Variants in PABPC4L observed in about 807,000 individuals in gnomAD.
The protein encoded by PABPC4L is poly(A) binding protein cytoplasmic 4 like, also known as polyadenylate-binding protein 4-like.
For synonymous variants in PABPC4L, 169 were observed against 164.1 expected, an observed-to-expected ratio of 1.03 and a Z score of -0.23; for missense variants, 452 against 451.4, an observed-to-expected ratio of 1.00 and a Z score of -0.01.
the PABPC4L span, among the ~76,000 whole-genome samples, chr4:134,120,555 T>G: frequency 1.3e-5 from 2 of 151,060 alleles, no homozygotes; most frequent in Non-Finnish European, 3.0e-5. Flanking sequence ...GAGAAAATTT[T>G]TTTAGTTTTT....
chr4:134,063,732 A>G, the PABPC4L span, among the ~76,000 whole-genome samples: 1 of 152,026 alleles, frequency 6.6e-6, no homozygotes, highest in Non-Finnish European at 1.5e-5. Context: ...ATGAATATGA[A>G]ATCTTGTCAT....
rs1729753879 is a variant in PABPC4L, at chr4:134,198,949, G to A, written c.*958C>T. 1 of 151,784 alleles carries A rather than the reference G, an allele frequency of 6.6e-6. No individual in the cohort carries two copies. The highest frequency in any genetic ancestry group is 2.1e-4 in the South Asian group (1 of 4,826). 9.4% of individuals were successfully genotyped at this position (151,784 alleles called of 1,614,324 possible). The stretch of plus-strand genomic sequence containing the variant: ...GGAGATGTGAGTACATAAAAATAGA[G>A]GAACTTACTTTTCTGAACCCTAAGA... On this transcript the variant is annotated 3_prime_UTR_variant, in exon 2 of 2. Coordinates refer to ENST00000421491, the MANE Select transcript of PABPC4L (RefSeq NM_001114734.2).
the PABPC4L span, among the ~76,000 whole-genome samples, chr4:133,969,795 C>G: frequency 7.9e-5 from 12 of 152,262 alleles, no homozygotes; most frequent in African/African-American, 2.9e-4. Context: ...CATACGCACA[C>G]TACCAAACAC....
the PABPC4L span, among the ~76,000 whole-genome samples, chr4:134,049,433 C>T: frequency 6.6e-6 from 1 of 152,042 alleles, no homozygotes; most frequent in East Asian, 1.9e-4. Flanking sequence ...AAATGTCTGG[C>T]TATAGGCCAA....
downstream of PABPC4L, among the ~76,000 whole-genome samples, chr4:134,194,109 A>G (rs1479524557): frequency 6.6e-6 from 1 of 151,896 alleles, no homozygotes; most frequent in African/African-American, 2.4e-5. Flanking sequence ...TTAATGAGCC[A>G]GCTACTAATA....
Position 134,199,602 on chromosome 4 carries a change from C to T in PABPC4L, c.*305G>A. 4.6e-6 allele frequency: 1 copy of T among 215,470 alleles called. No individual in the cohort carries two copies. The highest frequency in any genetic ancestry group is 9.0e-6 in the Non-Finnish European group (1 of 111,512). 13.3% of individuals were successfully genotyped at this position (215,470 alleles called of 1,614,324 possible). On this transcript the variant is annotated 3_prime_UTR_variant, in exon 2 of 2. Transcript: ENST00000421491. Reference sequence around the variant, plus strand: ...ATATGCAATAAATTCAAATAATTACCTCATTTCATTTGGTTCAAATGTAAA... The same window carrying T: ...ATATGCAATAAATTCAAATAATTACTTCATTTCATTTGGTTCAAATGTAAA...
chr4:134,101,107 A>G, the PABPC4L span, among the ~76,000 whole-genome samples: 1 of 151,532 alleles, frequency 6.6e-6, no homozygotes, highest in Non-Finnish European at 1.5e-5. Context: ...TAATAATTAC[A>G]TAACAGGCTT....
chr4:134,128,494 T>G, the PABPC4L span, among the ~76,000 whole-genome samples: 23 of 152,184 alleles, frequency 1.5e-4, no homozygotes, highest in Non-Finnish European at 3.1e-4. Context: ...ACTGGGGTCC[T>G]ATCTTTAGCC....
the PABPC4L span, among the ~76,000 whole-genome samples, chr4:134,132,648 C>T: frequency 6.6e-5 from 10 of 151,380 alleles, no homozygotes; most frequent in African/African-American, 1.5e-4. Context: ...TGGAAAAGTG[C>T]GTAAATTCTT....
chr4:134,084,497 T>G, the PABPC4L span, among the ~76,000 whole-genome samples: 6 of 152,084 alleles, frequency 3.9e-5, no homozygotes, highest in Non-Finnish European at 8.8e-5. Flanking sequence ...GATGGATTTT[T>G]TTTTAAAAAA....
chr4:134,001,798 A>T, the PABPC4L span, among the ~76,000 whole-genome samples: 1 of 152,124 alleles, frequency 6.6e-6, no homozygotes, highest in East Asian at 1.9e-4. Context: ...ACATCAAAAC[A>T]ATTATAAATC....
At chr4:134,060,719 C>T in the PABPC4L span, among the ~76,000 whole-genome samples, 3 of 151,882 alleles carry the variant, frequency 2.0e-5, no homozygotes, top group East Asian at 5.9e-4. Flanking sequence ...GGTACATATA[C>T]ACAGGGAGTA....
the PABPC4L span, among the ~76,000 whole-genome samples, chr4:134,079,285 T>A: frequency 0.71 from 105,930 of 148,578 alleles, 38,271 homozygotes; most frequent in East Asian, 0.94. Flanking sequence ...TGTAACATTT[T>A]AAAAAAAATT....
the PABPC4L span, among the ~76,000 whole-genome samples, chr4:134,146,823 G>T: frequency 6.6e-6 from 1 of 152,064 alleles, no homozygotes; most frequent in East Asian, 1.9e-4. Context: ...CATTCAGAAG[G>T]AACCAATCTA....
At chr4:133,976,707 A>C in the PABPC4L span, among the ~76,000 whole-genome samples, 1 of 152,110 alleles carries the variant, frequency 6.6e-6, no homozygotes, top group Admixed American at 6.6e-5. Flanking sequence ...TTCTCTAATG[A>C]TCAGTGATAT....
At chr4:134,005,598 A>C in the PABPC4L span, among the ~76,000 whole-genome samples, 1 of 151,834 alleles carries the variant, frequency 6.6e-6, no homozygotes, top group African/African-American at 2.4e-5. Context: ...TGAGCACATT[A>C]ATTCATTCAT....
the PABPC4L span, among the ~76,000 whole-genome samples, chr4:134,101,525 A>G: frequency 1.3e-5 from 2 of 151,404 alleles, no homozygotes; most frequent in Non-Finnish European, 3.0e-5. Context: ...TTGGATAGGA[A>G]AAGTTAGAAA....
At chr4:134,186,586 A>G in the PABPC4L span, among the ~76,000 whole-genome samples, 1 of 152,114 alleles carries the variant, frequency 6.6e-6, no homozygotes, top group African/African-American at 2.4e-5. Flanking sequence ...AACCATAAAA[A>G]CCCTAGAAGA....
At chr4:134,078,833 T>A in the PABPC4L span, among the ~76,000 whole-genome samples, 2 of 151,036 alleles carry the variant, frequency 1.3e-5, no homozygotes, top group Non-Finnish European at 3.0e-5. Flanking sequence ...TTTTTTCTTT[T>A]TTTTCTTTTT....
Sources: allele counts gnomAD v4.1 joint callset (sites outside exome capture counted in the v4.1 genomes callset), GRCh38; gene constraint gnomAD v4.1.1; transcripts MANE v1.5; gene names NCBI Gene and HGNC (gene_info 2026-07-23, HGNC 2026-07-21).